VSTM2A: variants seen among roughly 807,000 people sequenced by gnomAD.
VSTM2A encodes the protein V-set and transmembrane domain-containing protein 2A.
A neutral mutation model predicts 27.3 loss-of-function variants in VSTM2A; 13 were observed. The ratio of observed to expected loss-of-function variants is 0.48; its 90% CI spans 0.31 to 0.76. VSTM2A has a LOEUF of 0.76. Ranked by LOEUF, VSTM2A falls within the 30% of genes least tolerant of loss-of-function variation. VSTM2A has a pLI of 0.05. For missense variants in VSTM2A, 280 were observed against 310.0 expected (o/e 0.90, Z 0.73); for synonymous variants, 142 against 125.7 (o/e 1.13, Z -0.87).
intron 4 of VSTM2A, chr7:54,550,376 A>G (rs373424589): frequency 9.4e-6 from 13 of 1,383,570 alleles, no homozygotes; most frequent in Non-Finnish European, 1.1e-5. Context: ...TCAGTCCCCT[A>G]GTGGTGCTTC....
rs1562711876 is a variant in VSTM2A, at chr7:54,557,857, T to A, written c.634+7687T>A. 3.9e-5 allele frequency: 6 copies of A among 152,346 alleles called. No homozygotes were observed. The South Asian group carries it at 1.2e-3, about 32-fold the overall frequency. 9.4% of individuals were successfully genotyped at this position (152,346 alleles called of 1,614,324 possible). On this transcript the variant is annotated intron_variant, in intron 4 of 4. Coordinates refer to ENST00000402613, the MANE Select transcript of VSTM2A (RefSeq NM_001301009.2). The stretch of plus-strand genomic sequence containing the variant: ...ACCACCTGGTTCTTCTAGGCAAATA[T>A]CTTCCTTGCTGGTTGTGTGGAAGTG...
At chr7:54,561,538 A>G (rs1788561918) in intron 4 of VSTM2A, among the ~76,000 whole-genome samples, 1 of 152,226 alleles carries the variant, frequency 6.6e-6, no homozygotes, top group Non-Finnish European at 1.5e-5. Flanking sequence ...TGATGAACAA[A>G]TTCCAGGCAA....
chr7:54,547,639 A>G (rs957282443), intron 3 of VSTM2A, among the ~76,000 whole-genome samples: 7 of 152,166 alleles, frequency 4.6e-5, no homozygotes, highest in African/African-American at 1.4e-4. Context: ...TTTTTTTACT[A>G]TACCTCAAAT....
chr7:54,548,983 A>G (rs1788093362), intron 3 of VSTM2A, among the ~76,000 whole-genome samples: 1 of 150,766 alleles, frequency 6.6e-6, no homozygotes, highest in South Asian at 2.1e-4. Context: ...TATGTATTAA[A>G]CCTAACTGTT....
At chr7:54,543,661 G>A (rs894043250) in intron 1 of VSTM2A, among the ~76,000 whole-genome samples, 2 of 152,132 alleles carry the variant, frequency 1.3e-5, no homozygotes, top group African/African-American at 4.8e-5. Context: ...CATTCCCCAT[G>A]GCCCTCTTCT....
At chr7:54,550,728 A>G (rs1788163270) in intron 4 of VSTM2A, 1 of 153,562 alleles carries the variant, frequency 6.5e-6, no homozygotes, top group African/African-American at 2.4e-5. Context: ...AGATAAGGCA[A>G]CTCCTCTGTG....
chr7:54,563,760 G>A (rs1182253440), intron 4 of VSTM2A, among the ~76,000 whole-genome samples: 1 of 152,156 alleles, frequency 6.6e-6, no homozygotes, highest in Non-Finnish European at 1.5e-5. Context: ...CTAAAGGAAA[G>A]CAAGAAAGGG....
chr7:54,554,150 C>T, intron 4 of VSTM2A: 1 of 1,525,230 alleles, frequency 6.6e-7, no homozygotes, highest in Non-Finnish European at 8.8e-7. Flanking sequence ...ATTCCCCACC[C>T]TCTCACATCT....
Position 54,564,395 on chromosome 7 carries a change from C to T in VSTM2A, c.635-4736C>T, listed in dbSNP as rs546382061. ...GAAGAGAAAAGCTGATCAGGAATCA[C>T]GCCTAATGCTGCAGAACGATGCCCT... On this transcript the variant is annotated intron_variant, in intron 4 of 4. Coordinates refer to ENST00000402613, the MANE Select transcript of VSTM2A (RefSeq NM_001301009.2). Among the ~76,000 whole-genome samples, 219 of 152,302 alleles carry T rather than the reference C, an allele frequency of 1.4e-3. 4 individuals carry two copies. The South Asian group carries it at 0.021, about 15-fold the overall frequency.
chr7:54,553,739 C>T, intron 4 of VSTM2A: 1 of 1,307,836 alleles, frequency 7.6e-7, no homozygotes. Context: ...GTCCCAGGAT[C>T]TTGACCAGGA....
intron 4 of VSTM2A, among the ~76,000 whole-genome samples, chr7:54,554,772 C>T (rs1356007456): frequency 6.6e-6 from 1 of 152,220 alleles, no homozygotes; most frequent in African/African-American, 2.4e-5. Context: ...GGCAGCCAGT[C>T]ACCCCAGCCT....
chr7:54,567,191 T>C lies in VSTM2A; in HGVS notation c.635-1940T>C, dbSNP rs550992410. Among the ~76,000 whole-genome samples the C allele has an allele frequency of 2.0e-5, 3 of 152,308 alleles. No homozygotes were observed. The South Asian group carries it at 6.2e-4, about 32-fold the overall frequency. ...TTTACTATATAGGAAAAAATCTTTG[T>C]AATTTTCCTGGCGAAAATGAATTGT... is the stretch of plus-strand genomic sequence containing the variant. On this transcript the variant is annotated intron_variant, in intron 4 of 4. Coordinates refer to ENST00000402613, the MANE Select transcript of VSTM2A (RefSeq NM_001301009.2).
At chr7:54,554,737 G>T (rs1788297229) in intron 4 of VSTM2A, among the ~76,000 whole-genome samples, 1 of 152,196 alleles carries the variant, frequency 6.6e-6, no homozygotes, top group Admixed American at 6.5e-5. Context: ...AAGGACCTTG[G>T]TGTGCGAGCC....
intron 2 of VSTM2A, among the ~76,000 whole-genome samples, chr7:54,545,095 C>T (rs966063072): frequency 6.6e-6 from 1 of 152,130 alleles, no homozygotes; most frequent in African/African-American, 2.4e-5. Flanking sequence ...CATCCCGGGA[C>T]ATCCGGGAGC....
intron 4 of VSTM2A, chr7:54,553,968 A>T: frequency 6.4e-7 from 1 of 1,551,702 alleles, no homozygotes; most frequent in Non-Finnish European, 8.7e-7. Flanking sequence ...CCCCCTTCCC[A>T]CCTTCCCAAC....
chr7:54,544,107 T>C lies in VSTM2A; in HGVS notation c.80-515T>C, dbSNP rs10279197. ...TAAAGTGTGCAACTTGTTTCACTGCTGCAGGCGTGTTTCACTGGTGTTGCT... is the reference window on the plus strand; with the variant it reads ...TAAAGTGTGCAACTTGTTTCACTGCCGCAGGCGTGTTTCACTGGTGTTGCT... On this transcript the variant is annotated intron_variant, in intron 1 of 4. Transcript: ENST00000402613. 5.8e-3 allele frequency among the ~76,000 whole-genome samples: 879 copies of C among 152,368 alleles called. 9 individuals carry two copies. The highest frequency in any genetic ancestry group is 0.02 in the African/African-American group (829 of 41,590).
rs1398032929 is a variant in VSTM2A at position 54,570,478 on chromosome 7, T to G, written c.*1259T>G. The G allele has an allele frequency of 1.3e-5, 2 of 152,174 alleles. No homozygotes were observed. The highest frequency in any genetic ancestry group is 3.8e-4 in the East Asian group (2 of 5,202). 9.4% of individuals were successfully genotyped at this position (152,174 alleles called of 1,614,324 possible). A position where few individuals can be genotyped will look rare whatever the true frequency, so the allele number is the denominator to read the frequency against. ...ATTCTGTTATTTGCGCTAATTATAT[T>G]TTAATGTCTCCTAATTAAAAATTAA... On this transcript the variant is annotated 3_prime_UTR_variant, in exon 5 of 5. Transcript: ENST00000402613.
intron 4 of VSTM2A, among the ~76,000 whole-genome samples, chr7:54,568,305 A>C (rs1046817429): frequency 6.6e-6 from 1 of 152,194 alleles, no homozygotes; most frequent in African/African-American, 2.4e-5. Context: ...AACACATTTA[A>C]TCTTTCTCCA....
chr7:54,554,430 T>C (rs1157938531), intron 4 of VSTM2A, among the ~76,000 whole-genome samples: 34 of 152,328 alleles, frequency 2.2e-4, no homozygotes, highest in Non-Finnish European at 7.3e-5. Flanking sequence ...CTGACTCATT[T>C]CTGTAGATCC....
Sources: gnomAD v4.1 joint callset for allele counts (sites outside exome capture counted in the v4.1 genomes callset) on GRCh38, gnomAD v4.1.1 for gene constraint, MANE v1.5 for transcripts, NCBI Gene and HGNC (gene_info 2026-07-23, HGNC 2026-07-21) for gene names.